The following RCL1 variants were observed in gnomAD, a reference collection of about 807,000 sequenced individuals.
The protein encoded by RCL1 is RNA terminal phosphate cyclase like 1.
A neutral mutation model predicts 42.4 loss-of-function variants in RCL1; 24 were observed. That is an observed-to-expected ratio of 0.57 (90% confidence interval 0.41 to 0.80). The LOEUF (loss-of-function observed/expected upper bound fraction) is 0.80, where lower values mean the gene tolerates loss of function less well. RCL1 is among the 30% of genes least tolerant of loss of function. The pLI is 0.00. For synonymous variants in RCL1, 228 were observed against 177.3 expected (o/e 1.29, Z -2.27); for missense variants, 578 against 467.9 (o/e 1.24, Z -2.17).
At chr9:4,816,732 A>G (rs76027469) in intron 1 of RCL1, among the ~76,000 whole-genome samples, 1,717 of 152,274 alleles carry the variant, frequency 0.011, 34 homozygotes, top group African/African-American at 0.04. Context: ...TTAGTTTGTA[A>G]TTCTGATGTT....
At chr9:4,794,852 C>T (rs1177121577) in intron 1 of RCL1, among the ~76,000 whole-genome samples, 1 of 152,166 alleles carries the variant, frequency 6.6e-6, no homozygotes, top group East Asian at 1.9e-4. Context: ...CTTCCAAGAA[C>T]AGGGCTTGGC....
At chr9:4,807,050 T>C (rs1280094504) in intron 1 of RCL1, among the ~76,000 whole-genome samples, 3 of 152,208 alleles carry the variant, frequency 2.0e-5, no homozygotes, top group Non-Finnish European at 4.4e-5. Flanking sequence ...TGTTTCCTTA[T>C]TATCCTTTTG....
rs180873687 is a variant in RCL1 at position 4,801,625 on chromosome 9, G to A, written c.136+8398G>A. Among the ~76,000 whole-genome samples, 681 of 151,668 alleles carry A rather than the reference G, an allele frequency of 4.5e-3. 1 individual carries two copies. The highest frequency in any genetic ancestry group is 7.7e-3 in the Non-Finnish European group (525 of 67,930). On this transcript the variant is annotated intron_variant, in intron 1 of 8. Coordinates refer to ENST00000381750, the MANE Select transcript of RCL1 (RefSeq NM_005772.5). The stretch of plus-strand genomic sequence containing the variant: ...AAAATATTTTAATTTTAATGATGTA[G>A]AATTTATGATTTTTTTCTTTTGTGG...
chr9:4,822,472 T>C (rs1281056869), intron 1 of RCL1, among the ~76,000 whole-genome samples: 2 of 152,192 alleles, frequency 1.3e-5, no homozygotes, highest in African/African-American at 4.8e-5. Flanking sequence ...AAATCTATTC[T>C]CTTCCTTTCC....
At chr9:4,857,236 C>T (rs758230913) in intron 8 of RCL1, among the ~76,000 whole-genome samples, 3 of 152,170 alleles carry the variant, frequency 2.0e-5, no homozygotes, top group Non-Finnish European at 4.4e-5. Flanking sequence ...AACCCTGTGC[C>T]AGCTCACAGT....
Position 4,834,173 on chromosome 9 carries a change from A to G in RCL1, c.492A>G (p.Gly164=). Residue 164 remains glycine, a synonymous_variant, in exon 5 of 9, where the codon GGA becomes GGG. Transcript: ENST00000381750. The part of the protein sequence containing the change: ...IVRRGMPPGG[G]GEVVFSCPVR... The stretch of plus-strand genomic sequence containing the variant: ...GACGGGGAATGCCTCCCGGAGGAGG[A>G]GGCGAAGTGGTTTTCTCATGTCCTG... 1 of 1,613,444 alleles carries G rather than the reference A, an allele frequency of 6.2e-7. No individual in the cohort carries two copies.
At chr9:4,859,683 T>G (rs1818092366) in intron 8 of RCL1, among the ~76,000 whole-genome samples, 1 of 152,158 alleles carries the variant, frequency 6.6e-6, no homozygotes, top group African/African-American at 2.4e-5. Context: ...AATCATTGCC[T>G]AAGCCAGGTA....
chr9:4,822,214 C>G (rs187625071), intron 1 of RCL1, among the ~76,000 whole-genome samples: 2 of 152,338 alleles, frequency 1.3e-5, no homozygotes, highest in East Asian at 1.9e-4. Flanking sequence ...AGTTGATCCA[C>G]TCACCCTTTG....
intron 1 of RCL1, among the ~76,000 whole-genome samples, chr9:4,819,482 G>A (rs1007204874): frequency 6.6e-5 from 10 of 152,014 alleles, no homozygotes; most frequent in South Asian, 2.1e-4. Flanking sequence ...TTCTTTATCC[G>A]CAGAAATGGT....
At chr9:4,834,096 T>C in intron 4 of RCL1, 45 bp from the exon 5 acceptor site, 1 of 1,594,948 alleles carries the variant, frequency 6.3e-7, no homozygotes, top group Non-Finnish European at 8.6e-7. Context: ...GGGTAATCCA[T>C]TGCTTTGCTG....
intron 7 of RCL1, among the ~76,000 whole-genome samples, chr9:4,848,342 A>G (rs998053084): frequency 1.3e-5 from 2 of 152,218 alleles, no homozygotes; most frequent in Non-Finnish European, 2.9e-5. Flanking sequence ...ATCAATCCTT[A>G]TTTCCTTCAC....
intron 1 of RCL1, among the ~76,000 whole-genome samples, chr9:4,796,187 C>G (rs1191029123): frequency 6.6e-6 from 1 of 152,042 alleles, no homozygotes; most frequent in African/African-American, 2.4e-5. Flanking sequence ...ACCCATTATC[C>G]AAATAGTGAA....
intron 1 of RCL1, among the ~76,000 whole-genome samples, chr9:4,816,807 T>C (rs555609153): frequency 2.6e-5 from 4 of 152,088 alleles, no homozygotes; most frequent in African/African-American, 9.6e-5. Context: ...GTGCTTTGGG[T>C]AATAATAATA....
intron 7 of RCL1, among the ~76,000 whole-genome samples, chr9:4,846,894 C>CTTTTTTCTTTTTTCTTTTTTTTTTT (rs57427254): frequency 6.1e-5 from 9 of 148,602 alleles, no homozygotes; most frequent in African/African-American, 2.2e-4. Flanking sequence ...TAATATTTTT[C>CTTTTTTCTTTTTTCTTTTTTTTTTT]TTTTTTTTTT....
In RCL1 at chr9:4,813,694, AC is replaced by A. The variant is rs567629773; in HGVS notation, c.137-9851del. On this transcript the variant is annotated intron_variant, in intron 1 of 8. Transcript: ENST00000381750. ...CCAGCCATCCCATTACTGGGTATAT[AC>A]CCAAAGGATTATAAATCATGCTGCT... is the stretch of plus-strand genomic sequence containing the variant. 9.8e-5 allele frequency among the ~76,000 whole-genome samples: 15 copies of A among 152,354 alleles called. No homozygotes were observed. The East Asian group carries it at 2.9e-3, about 29-fold the overall frequency.
intron 8 of RCL1, 134 bp from the exon 9 acceptor site, chr9:4,859,991 C>T: frequency 1.7e-6 from 1 of 573,648 alleles, no homozygotes; most frequent in Non-Finnish European, 2.9e-6. Context: ...ACTATTTAAT[C>T]AGATTCGATG....
At chr9:4,821,967 A>G (rs1292082336) in intron 1 of RCL1, among the ~76,000 whole-genome samples, 1 of 152,242 alleles carries the variant, frequency 6.6e-6, no homozygotes, top group Non-Finnish European at 1.5e-5. Flanking sequence ...CATTCAAACC[A>G]TAGCAAATGG....
chr9:4,824,709 A>G (rs1816703462), intron 2 of RCL1, among the ~76,000 whole-genome samples: 1 of 152,118 alleles, frequency 6.6e-6, no homozygotes, highest in Non-Finnish European at 1.5e-5. Context: ...TTGGGTTCAT[A>G]TGTGGTCCTA....
chr9:4,841,952 A>T (rs1257944047), intron 6 of RCL1, among the ~76,000 whole-genome samples: 2 of 152,256 alleles, frequency 1.3e-5, no homozygotes, highest in East Asian at 3.8e-4. Context: ...TTGTGTATTT[A>T]GCAACTAGGA....
Sources: gnomAD v4.1 joint callset for allele counts (sites outside exome capture counted in the v4.1 genomes callset) on GRCh38, gnomAD v4.1.1 for gene constraint, MANE v1.5 for transcripts, NCBI Gene and HGNC (gene_info 2026-07-23, HGNC 2026-07-21) for gene names.